Variants in KLF17 observed in about 807,000 individuals in gnomAD.
The protein encoded by KLF17 is KLF transcription factor 17.
In KLF17, 31 loss-of-function variants were observed where a neutral mutation model predicts 34.2. That is an observed-to-expected ratio of 0.91 (90% CI 0.68 to 1.22). The LOEUF is 1.22. KLF17 is among the 50% of genes most tolerant of loss of function. The pLI, the probability that KLF17 is intolerant of heterozygous loss-of-function variation, is 0.00. For missense variants in KLF17, 478 were observed against 505.2 expected, an observed-to-expected ratio of 0.95 and a Z score of 0.52; for synonymous variants, 179 against 186.7, an observed-to-expected ratio of 0.96 and a Z score of 0.34.
chr1:44,085,352 T>A, the KLF17 span, among the ~76,000 whole-genome samples: 1 of 151,998 alleles, frequency 6.6e-6, no homozygotes, highest in African/African-American at 2.4e-5. Flanking sequence ...CAGAAGAGGA[T>A]TGCAATTTTC....
At chr1:44,077,926 T>C in the KLF17 span, among the ~76,000 whole-genome samples, 2 of 152,240 alleles carry the variant, frequency 1.3e-5, no homozygotes, top group Non-Finnish European at 2.9e-5. Context: ...GTACGTGGAA[T>C]TGGAGTTATT....
At chr1:44,097,476 A>T in the KLF17 span, among the ~76,000 whole-genome samples, 1 of 152,224 alleles carries the variant, frequency 6.6e-6, no homozygotes, top group Admixed American at 6.5e-5. Flanking sequence ...TTTTCACGAT[A>T]TTGATTCTAA....
At chr1:44,102,626 G>C in the KLF17 span, among the ~76,000 whole-genome samples, 1 of 83,652 alleles carries the variant, frequency 1.2e-5, no homozygotes, top group Non-Finnish European at 2.7e-5. Context: ...AAAAGAAAAA[G>C]AAAAAGAAAG....
chr1:44,119,931 A>C (rs771651747), intron 1 of KLF17, among the ~76,000 whole-genome samples: 3 of 152,202 alleles, frequency 2.0e-5, no homozygotes, highest in Non-Finnish European at 4.4e-5. Context: ...CTTTTGTGAT[A>C]ATCCAGGTGA....
At chr1:44,096,077 G>A in the KLF17 span, among the ~76,000 whole-genome samples, 2 of 151,972 alleles carry the variant, frequency 1.3e-5, no homozygotes, top group South Asian at 4.2e-4. Flanking sequence ...GAGTAGCTGG[G>A]ACTACAGGCG....
In KLF17 at chr1:44,130,595, C is replaced by T; in HGVS notation, c.1009C>T (p.His337Tyr). The change falls in exon 3 of 4, where the codon CAC (histidine) becomes TAC (tyrosine). Residue 337 changes from histidine to tyrosine, a missense_variant. Transcript: ENST00000372299. ...SDELRRHMRV[H>Y]TRYRPYKCDQ... ...TGAGCTTAGACGACATATGCGGGTACACACCAGATATCGACCATATAAATG... is the reference window on the plus strand; with the variant it reads ...TGAGCTTAGACGACATATGCGGGTATACACCAGATATCGACCATATAAATG... 1 of 1,614,082 alleles carries T rather than the reference C, an allele frequency of 6.2e-7. No homozygotes were observed. Among genetic ancestry groups the T allele is most frequent in the Non-Finnish European group, 8.5e-7 (1 of 1,180,006 alleles).
At chr1:44,046,539 TCACACA>T in the KLF17 span, among the ~76,000 whole-genome samples, 2 of 25,340 alleles carry the variant, frequency 7.9e-5, no homozygotes, top group South Asian at 2.8e-3. Flanking sequence ...ACACACACAC[TCACACA>T]CACACACACA....
chr1:44,091,371 C>G, the KLF17 span, among the ~76,000 whole-genome samples: 489 of 152,088 alleles, frequency 3.2e-3, 5 homozygotes, highest in African/African-American at 0.011. Context: ...GTCCATACCT[C>G]TGGGCCAGGC....
rs1015242735 is a variant in KLF17 at position 44,122,185 on chromosome 1, G to A, written c.81+3197G>A. On this transcript the variant is annotated intron_variant, in intron 1 of 3. Transcript: ENST00000372299. Reference sequence around the variant, plus strand: ...CTAGGACCCCCTCTTCCTCTGCCACGGCCACGTCCTCTTCCTCTTCCTCTG... The same window carrying A: ...CTAGGACCCCCTCTTCCTCTGCCACAGCCACGTCCTCTTCCTCTTCCTCTG... 50 of 1,595,278 alleles carry A rather than the reference G, an allele frequency of 3.1e-5. No homozygotes were observed. In the East Asian group the frequency reaches 4.0e-4, roughly 13 times the overall value.
the KLF17 span, among the ~76,000 whole-genome samples, chr1:44,058,415 C>T: frequency 5.9e-5 from 9 of 152,106 alleles, no homozygotes; most frequent in East Asian, 7.8e-4. Flanking sequence ...CTCAGGCTCC[C>T]GAGTAGCTGG....
At chr1:44,076,780 A>C in the KLF17 span, 1 of 151,298 alleles carries the variant, frequency 6.6e-6, no homozygotes, top group Non-Finnish European at 1.5e-5. Flanking sequence ...GCTAGAGTGC[A>C]GTGATGTAAT....
At chr1:44,114,224 T>C (rs998649160), upstream of KLF17, 1 of 152,194 alleles carries the variant, frequency 6.6e-6, no homozygotes, top group African/African-American at 2.4e-5. Context: ...AGGAAACTAA[T>C]CCTCTGAGGT....
the KLF17 span, among the ~76,000 whole-genome samples, chr1:44,061,399 G>T: frequency 6.6e-6 from 1 of 152,288 alleles, no homozygotes; most frequent in Non-Finnish European, 1.5e-5. Flanking sequence ...CAACTCTGGA[G>T]GTGAGACTCA....
the KLF17 span, among the ~76,000 whole-genome samples, chr1:44,113,250 C>A: frequency 2.0e-5 from 3 of 152,312 alleles, no homozygotes; most frequent in South Asian, 6.2e-4. Flanking sequence ...CAGTTGCAGA[C>A]TGGTGAAATT....
the KLF17 span, among the ~76,000 whole-genome samples, chr1:44,108,588 A>T: frequency 1.4e-5 from 2 of 144,882 alleles, no homozygotes; most frequent in Non-Finnish European, 3.0e-5. Flanking sequence ...ACCACTGGTG[A>T]TCTCTGCTGG....
chr1:44,127,362 C>T (rs559452668), intron 1 of KLF17, among the ~76,000 whole-genome samples: 36 of 152,152 alleles, frequency 2.4e-4, no homozygotes, highest in African/African-American at 8.0e-4. Flanking sequence ...GTCCAGTGTC[C>T]CTTTCTTATC....
the KLF17 span, among the ~76,000 whole-genome samples, chr1:44,059,901 A>G: frequency 6.6e-6 from 1 of 152,088 alleles, no homozygotes; most frequent in Non-Finnish European, 1.5e-5. Context: ...CATACAAGGG[A>G]AAAACAACTG....
chr1:44,060,500 C>T, the KLF17 span, among the ~76,000 whole-genome samples: 2 of 151,972 alleles, frequency 1.3e-5, no homozygotes, highest in Non-Finnish European at 2.9e-5. Flanking sequence ...TAGAGATGAA[C>T]ATATGTTGGC....
At chr1:44,127,626 TTTCTTTTCTTTCC>T (rs1281363594) in intron 1 of KLF17, among the ~76,000 whole-genome samples, 1 of 60,966 alleles carries the variant, frequency 1.6e-5, no homozygotes, top group African/African-American at 6.1e-5. Context: ...TTTCTTTTCT[TTTCTTTTCTTTCC>T]TTCTTTCTTT....
Sources: gnomAD v4.1 joint callset for allele counts (sites outside exome capture counted in the v4.1 genomes callset) on GRCh38, gnomAD v4.1.1 for gene constraint, MANE v1.5 for transcripts, NCBI Gene and HGNC (gene_info 2026-07-23, HGNC 2026-07-21) for gene names.